PSD3: variants seen among roughly 807,000 people sequenced by gnomAD.
PSD3 encodes pleckstrin and Sec7 domain containing 3.
In PSD3, 49 loss-of-function variants were observed where a neutral mutation model predicts 105.5. The observed-to-expected ratio is 0.46, with a 90% CI of 0.37 to 0.59. PSD3 has a LOEUF of 0.59. Ranked by LOEUF, PSD3 falls within the 20% of genes least tolerant of loss-of-function variation. The probability of loss-of-function intolerance (pLI) is 0.00; values close to 1 mark genes in which losing one functional copy is unlikely to be tolerated. For synonymous variants in PSD3, 557 were observed against 457.8 expected (o/e 1.22, Z -2.77); for missense variants, 1,561 against 1,263.8 (o/e 1.24, Z -3.57).
chr8:18,901,738 T>G (rs1378523393), intron 2 of PSD3, among the ~76,000 whole-genome samples: 1 of 152,196 alleles, frequency 6.6e-6, no homozygotes, highest in East Asian at 1.9e-4. Context: ...TTCTCTCAGT[T>G]TTTGTTTGTC....
At chr8:19,047,550 G>C (rs1293289173) in intron 1 of PSD3, among the ~76,000 whole-genome samples, 1 of 152,088 alleles carries the variant, frequency 6.6e-6, no homozygotes, top group African/African-American at 2.4e-5. Flanking sequence ...AAAGAAGAGG[G>C]AGCTATAGAG....
intron 11 of PSD3, among the ~76,000 whole-genome samples, chr8:18,631,560 G>C (rs1455669828): frequency 1.3e-5 from 2 of 152,078 alleles, no homozygotes; most frequent in South Asian, 2.1e-4. Flanking sequence ...GTACGTCCTG[G>C]TGACAATCCA....
intron 15 of PSD3, among the ~76,000 whole-genome samples, chr8:18,546,287 G>A (rs576645140): frequency 3.9e-5 from 6 of 152,242 alleles, no homozygotes; most frequent in East Asian, 1.9e-4. Context: ...GTGAGCCACC[G>A]TGCCCAGCCT....
At chr8:18,963,525 C>T (rs1408210325) in intron 1 of PSD3, among the ~76,000 whole-genome samples, 1 of 152,084 alleles carries the variant, frequency 6.6e-6, no homozygotes, top group East Asian at 1.9e-4. Flanking sequence ...CAAGACAAAT[C>T]CAATTTTCTT....
At chr8:18,649,079 C>G (rs1409780611) in intron 10 of PSD3, among the ~76,000 whole-genome samples, 1 of 152,166 alleles carries the variant, frequency 6.6e-6, no homozygotes, top group African/African-American at 2.4e-5. Flanking sequence ...GGGGTTGGTG[C>G]CCCAACAAAG....
At chr8:18,981,482 A>T (rs1825250666) in intron 1 of PSD3, among the ~76,000 whole-genome samples, 1 of 152,182 alleles carries the variant, frequency 6.6e-6, no homozygotes, top group Non-Finnish European at 1.5e-5. Context: ...TAACCATAAA[A>T]CAAACTCATC....
intron 9 of PSD3, among the ~76,000 whole-genome samples, chr8:18,687,485 G>GTT (rs147651057): frequency 2.3e-4 from 34 of 145,972 alleles, no homozygotes; most frequent in African/African-American, 3.5e-4. Flanking sequence ...AAATTTAGCA[G>GTT]TTTTTTTTTT....
chr8:18,620,204 C>G (rs1806002443), intron 11 of PSD3, among the ~76,000 whole-genome samples: 1 of 152,174 alleles, frequency 6.6e-6, no homozygotes, highest in African/African-American at 2.4e-5. Context: ...AAGATGCTCA[C>G]CTTTTGGGGC....
intron 11 of PSD3, among the ~76,000 whole-genome samples, chr8:18,618,637 AGGTATT>A (rs1271487505): frequency 2.6e-4 from 39 of 152,178 alleles, no homozygotes; most frequent in South Asian, 8.3e-4. Context: ...ACACCATAAC[AGGTATT>A]AGCCGTATTT....
chr8:18,789,124 A>T (rs1011315694), intron 8 of PSD3, among the ~76,000 whole-genome samples: 7 of 152,240 alleles, frequency 4.6e-5, no homozygotes, highest in African/African-American at 1.7e-4. Context: ...AGTGGTAAAA[A>T]GAAAAAAAGG....
chr8:18,603,169 G>A (rs1804561441), intron 11 of PSD3, among the ~76,000 whole-genome samples: 1 of 152,186 alleles, frequency 6.6e-6, no homozygotes, highest in Non-Finnish European at 1.5e-5. Flanking sequence ...TTTCACTGCA[G>A]TTTTTACTGT....
intron 11 of PSD3, among the ~76,000 whole-genome samples, chr8:18,629,711 C>A (rs141933318): frequency 6.6e-6 from 1 of 151,832 alleles, no homozygotes; most frequent in South Asian, 2.1e-4. Flanking sequence ...GGGAGTAATA[C>A]GAGAAGCAAT....
intron 4 of PSD3, among the ~76,000 whole-genome samples, chr8:18,813,954 G>A (rs1162622007): frequency 2.0e-5 from 3 of 152,182 alleles, no homozygotes; most frequent in Admixed American, 6.5e-5. Flanking sequence ...TTATGATGAC[G>A]TGAGATAATA....
At chr8:18,966,219 T>A (rs1586543511) in intron 1 of PSD3, among the ~76,000 whole-genome samples, 1 of 152,138 alleles carries the variant, frequency 6.6e-6, no homozygotes, top group African/African-American at 2.4e-5. Context: ...ACATTCCAGG[T>A]GGACTGCCAT....
At chr8:19,036,619 T>C (rs962738610) in intron 1 of PSD3, among the ~76,000 whole-genome samples, 14 of 152,328 alleles carry the variant, frequency 9.2e-5, no homozygotes, top group Admixed American at 4.6e-4. Context: ...TGGGCTGGAC[T>C]CCATCTGGAT....
chr8:18,884,617 T>C (rs1282521078), intron 2 of PSD3, among the ~76,000 whole-genome samples: 1 of 145,080 alleles, frequency 6.9e-6, no homozygotes, highest in East Asian at 2.0e-4. Context: ...GTTTATGTGT[T>C]AGGAAAAAAA....
intron 2 of PSD3, among the ~76,000 whole-genome samples, chr8:18,918,495 T>G (rs953413321): frequency 6.6e-6 from 1 of 152,222 alleles, no homozygotes; most frequent in Non-Finnish European, 1.5e-5. Context: ...AGGCTTCATA[T>G]TTCTACCTCT....
chr8:18,834,935 T>TA (rs1262651971), intron 4 of PSD3, among the ~76,000 whole-genome samples: 2 of 151,756 alleles, frequency 1.3e-5, no homozygotes, highest in Non-Finnish European at 2.9e-5. Context: ...AAGCAATTCG[T>TA]AAAAAAAGGG....
chr8:18,931,132 C>T (rs529201582), intron 2 of PSD3, among the ~76,000 whole-genome samples: 29 of 151,182 alleles, frequency 1.9e-4, no homozygotes, highest in Admixed American at 3.3e-4. Context: ...ATTTTTTTTT[C>T]CCTTAGGGGA....
Sources: allele counts gnomAD v4.1 joint callset (sites outside exome capture counted in the v4.1 genomes callset), GRCh38; gene constraint gnomAD v4.1.1; transcripts MANE v1.5; gene names NCBI Gene and HGNC (gene_info 2026-07-23, HGNC 2026-07-21).